The following ADTRP variants were observed in gnomAD, a reference collection of about 807,000 sequenced individuals.
ADTRP encodes androgen-dependent TFPI-regulating protein.
A neutral mutation model predicts 27.0 loss-of-function variants in ADTRP; 20 were observed. The observed-to-expected ratio is 0.74, with a 90% confidence interval of 0.52 to 1.08. ADTRP has a LOEUF of 1.08. ADTRP is among the 50% of genes least tolerant of loss of function. ADTRP has a pLI of 0.00. For synonymous variants in ADTRP, 101 were observed against 105.2 expected (o/e 0.96, Z 0.25); for missense variants, 251 against 275.0 (o/e 0.91, Z 0.62).
At chr6:11,746,232 C>T (rs540848950) in intron 3 of ADTRP, among the ~76,000 whole-genome samples, 41 of 152,166 alleles carry the variant, frequency 2.7e-4, no homozygotes, top group Non-Finnish European at 4.9e-4. Flanking sequence ...CAGCTGGAGA[C>T]AGAGGTTTGG....
intron 5 of ADTRP, among the ~76,000 whole-genome samples, chr6:11,721,208 C>T (rs1433064173): frequency 6.6e-6 from 1 of 152,144 alleles, no homozygotes; most frequent in Non-Finnish European, 1.5e-5. Context: ...ATGAACCAGG[C>T]AAAGACTGGA....
Position 11,723,503 on chromosome 6 carries a change from G to T in ADTRP, c.507-3C>A, listed in dbSNP as rs1762086160. ...TCTCAAAGTAGAGCCATAGGATGCT[G>T]CAGGAAATAAGAAGTCGTGGTGGTT... is the stretch of plus-strand genomic sequence containing the variant. On this transcript the variant is annotated splice_polypyrimidine_tract_variant and splice_region_variant and intron_variant, in intron 4 of 5. Transcript: ENST00000414691. 3.1e-6 allele frequency: 5 copies of T among 1,613,290 alleles called. No homozygotes were observed. Among genetic ancestry groups the T allele is most frequent in the Non-Finnish European group, 4.2e-6 (5 of 1,179,816 alleles).
chr6:11,767,233 T>C (rs1309270223), intron 2 of ADTRP, among the ~76,000 whole-genome samples: 3 of 151,992 alleles, frequency 2.0e-5, no homozygotes, highest in Non-Finnish European at 2.9e-5. Context: ...AGTAGCCAGG[T>C]GAGACAGGAG....
At chr6:11,721,398 A>G (rs1762021695) in intron 5 of ADTRP, among the ~76,000 whole-genome samples, 1 of 152,252 alleles carries the variant, frequency 6.6e-6, no homozygotes, top group Admixed American at 6.5e-5. Context: ...GGGAAGCCTT[A>G]GAAAGTGTTT....
At position 11,714,404 on chromosome 6, in the gene ADTRP, C is replaced by T; in HGVS notation, c.*74G>A. On this transcript the variant is annotated 3_prime_UTR_variant, in exon 6 of 6. Coordinates refer to ENST00000414691, the MANE Select transcript of ADTRP (RefSeq NM_032744.4). ...ATGTTCCTCCACCACCTCCCTCCAC[C>T]AGAAAAAAAAAAAAAAGATGAGAAA... 2 of 1,051,152 alleles carry T rather than the reference C, an allele frequency of 1.9e-6. No homozygotes were observed. Among genetic ancestry groups the T allele is most frequent in the African/African-American group, 3.0e-5 (1 of 32,794 alleles). The allele number at this position is 1,051,152 out of a possible 1,614,324, so 65.1% of individuals were successfully genotyped here.
intron 3 of ADTRP, among the ~76,000 whole-genome samples, chr6:11,739,968 A>T (rs1301224982): frequency 6.6e-6 from 1 of 152,230 alleles, no homozygotes. Context: ...TTGCAAAATC[A>T]GATGATAACA....
chr6:11,761,485 A>T (rs955944269), intron 3 of ADTRP, among the ~76,000 whole-genome samples: 6 of 152,188 alleles, frequency 3.9e-5, no homozygotes, highest in African/African-American at 1.4e-4. Flanking sequence ...ATTATTATAC[A>T]TCTTAGCTAT....
At chr6:11,750,765 A>G (rs551243642) in intron 3 of ADTRP, among the ~76,000 whole-genome samples, 1 of 152,342 alleles carries the variant, frequency 6.6e-6, no homozygotes, top group East Asian at 1.9e-4. Flanking sequence ...TCCCTTTAAA[A>G]TGAGTATTTT....
intron 3 of ADTRP, among the ~76,000 whole-genome samples, chr6:11,746,739 T>A (rs1362562829): frequency 6.6e-6 from 1 of 152,230 alleles, no homozygotes; most frequent in Non-Finnish European, 1.5e-5. Flanking sequence ...CCAAATCTAC[T>A]AGGTTTCCAG....
Position 11,714,366 on chromosome 6 carries a change from C to G in ADTRP, c.*112G>C. On this transcript the variant is annotated 3_prime_UTR_variant, in exon 6 of 6. Coordinates refer to ENST00000414691, the MANE Select transcript of ADTRP (RefSeq NM_032744.4). ...TAAATTTAAGTATCACTCTCTGTCC[C>G]TCCTACTTTGCTATGTTCCTCCACC... 2 of 1,231,108 alleles carry G rather than the reference C, an allele frequency of 1.6e-6. No individual in the cohort carries two copies. The highest frequency in any genetic ancestry group is 2.3e-6 in the Non-Finnish European group (2 of 864,514). 76.3% of individuals were successfully genotyped at this position (1,231,108 alleles called of 1,614,324 possible).
rs993131896 is a variant in ADTRP at position 11,764,815 on chromosome 6, G to A, written c.390+1459C>T. The stretch of plus-strand genomic sequence containing the variant: ...ATTTGTAAAAATCAGGATTATAGTA[G>A]TTCTCTAAAGAAGGCTGTGTGAATT... On this transcript the variant is annotated intron_variant, in intron 3 of 5. Transcript: ENST00000414691. Among the ~76,000 whole-genome samples the A allele has an allele frequency of 4.8e-5, 7 of 146,456 alleles. No individual in the cohort carries two copies. In the Admixed American group the frequency reaches 4.9e-4, roughly 10 times the overall value.
At chr6:11,762,841 A>C (rs1581361486) in intron 3 of ADTRP, among the ~76,000 whole-genome samples, 1 of 152,224 alleles carries the variant, frequency 6.6e-6, no homozygotes, top group Non-Finnish European at 1.5e-5. Flanking sequence ...TTTCCAGAGA[A>C]ATAAGTCCCC....
chr6:11,723,201 T>A (rs1397053638), intron 5 of ADTRP, 148 bp downstream of exon 5: 1 of 1,151,318 alleles, frequency 8.7e-7, no homozygotes, highest in Non-Finnish European at 1.2e-6. Context: ...TGGCAGGACC[T>A]CTTGGCAGGA....
chr6:11,774,936 C>G (rs1226763366), intron 1 of ADTRP, among the ~76,000 whole-genome samples: 1 of 152,188 alleles, frequency 6.6e-6, no homozygotes, highest in Non-Finnish European at 1.5e-5. Context: ...CTTGAGGACA[C>G]CCATGGCACT....
chr6:11,774,626 G>A (rs9380521), intron 1 of ADTRP, among the ~76,000 whole-genome samples: 27,118 of 152,010 alleles, frequency 0.18, 2,842 homozygotes, highest in East Asian at 0.46. Context: ...TTGTTGAAGG[G>A]GGTGTCAGGG....
intron 4 of ADTRP, 31 bp downstream of exon 4, chr6:11,735,537 C>G (rs1466244804): frequency 6.5e-7 from 1 of 1,546,548 alleles, no homozygotes; most frequent in East Asian, 2.2e-5. Flanking sequence ...GAACGACAAG[C>G]CTAAGTTGAC....
intron 4 of ADTRP, among the ~76,000 whole-genome samples, chr6:11,734,906 A>T (rs1164454866): frequency 1.3e-5 from 2 of 152,156 alleles, no homozygotes; most frequent in African/African-American, 4.8e-5. Flanking sequence ...GAACAAAAGC[A>T]TGGTGCTAGA....
At chr6:11,775,432 C>T (rs1256423220) in intron 1 of ADTRP, among the ~76,000 whole-genome samples, 1 of 151,962 alleles carries the variant, frequency 6.6e-6, no homozygotes, top group Non-Finnish European at 1.5e-5. Flanking sequence ...AAAGAAGTGC[C>T]TAGCCCAGGG....
chr6:11,725,324 A>G (rs1405523209), intron 4 of ADTRP, among the ~76,000 whole-genome samples: 1 of 152,214 alleles, frequency 6.6e-6, no homozygotes, highest in East Asian at 1.9e-4. Flanking sequence ...TAACTCAACA[A>G]TAACAAAAAA....
Sources: allele counts gnomAD v4.1 joint callset (sites outside exome capture counted in the v4.1 genomes callset), GRCh38; gene constraint gnomAD v4.1.1; transcripts MANE v1.5; gene names NCBI Gene and HGNC (gene_info 2026-07-23, HGNC 2026-07-21).